The following P4HA1 variants were observed in gnomAD, a reference collection of about 807,000 sequenced individuals.
P4HA1 encodes prolyl 4-hydroxylase subunit alpha 1, also known as prolyl 4-hydroxylase subunit alpha-1.
In P4HA1, 24 loss-of-function variants were observed where a neutral mutation model predicts 72.8. That is an observed-to-expected ratio of 0.33 (90% CI 0.24 to 0.46). P4HA1 has a LOEUF of 0.46. Ranked by LOEUF, P4HA1 falls within the 20% of genes least tolerant of loss-of-function variation. The pLI is 1.00. For missense variants in P4HA1, 446 were observed against 640.6 expected (o/e 0.70, Z 3.28); for synonymous variants, 201 against 218.8 (o/e 0.92, Z 0.72).
intron 9 of P4HA1, among the ~76,000 whole-genome samples, chr10:73,038,620 TG>T (rs1321531992): frequency 1.4e-5 from 2 of 138,924 alleles, no homozygotes. Flanking sequence ...GGTTTTTATT[TG>T]CTTTTTTTTT....
At chr10:73,049,694 A>C (rs1840967379) in intron 7 of P4HA1, among the ~76,000 whole-genome samples, 1 of 152,216 alleles carries the variant, frequency 6.6e-6, no homozygotes, top group Admixed American at 6.5e-5. Flanking sequence ...TTTTAAAGAA[A>C]TATTAAAGAC....
intron 8 of P4HA1, among the ~76,000 whole-genome samples, chr10:73,045,516 T>C (rs191709718): frequency 4.6e-5 from 7 of 152,150 alleles, no homozygotes; most frequent in Non-Finnish European, 1.0e-4. Context: ...TTAAAATTCA[T>C]TTTAAGGTCA....
intron 1 of P4HA1, among the ~76,000 whole-genome samples, chr10:73,077,771 A>G (rs1009693325): frequency 1.4e-4 from 22 of 151,930 alleles, no homozygotes; most frequent in African/African-American, 5.3e-4. Context: ...ACTTGAGCTC[A>G]GGAGTTTGAG....
intron 1 of P4HA1, among the ~76,000 whole-genome samples, chr10:73,077,936 C>T (rs1841737501): frequency 6.6e-6 from 1 of 150,594 alleles, no homozygotes; most frequent in African/African-American, 2.4e-5. Context: ...CTACAGTGAG[C>T]CATGATCTTG....
At position 73,010,973 on chromosome 10, in the gene P4HA1, T is replaced by C. The variant is rs1375068860; in HGVS notation, c.1433A>G (p.Lys478Arg). 4 of 1,613,124 alleles carry C rather than the reference T, an allele frequency of 2.5e-6. No homozygotes were observed. The highest frequency in any genetic ancestry group is 2.2e-5 in the South Asian group (2 of 90,998). The change falls in exon 13 of 15, where the codon AAA becomes AGA. Residue 478 changes from lysine to arginine, a missense_variant. Coordinates refer to ENST00000394890, the MANE Select transcript of P4HA1 (RefSeq NM_001017962.3). ...AAACAAAACAAACAGGCTTACTTTT[T>C]TGGGCCAAACACTAGCTCCAACTTC... ...FPEVGASVWPKKGTAVFWYNL... is the reference protein window; with the variant it reads ...FPEVGASVWPRKGTAVFWYNL...
chr10:73,092,127 T>A (rs140528852), intron 1 of P4HA1, among the ~76,000 whole-genome samples: 307 of 152,272 alleles, frequency 2.0e-3, no homozygotes, highest in African/African-American at 7.1e-3. Context: ...TAAGACCATG[T>A]ATACTAGAAC....
At chr10:73,029,726 T>TAC (rs1840390692) in intron 10 of P4HA1, among the ~76,000 whole-genome samples, 1 of 152,016 alleles carries the variant, frequency 6.6e-6, no homozygotes, top group African/African-American at 2.4e-5. Context: ...TTCCTATATA[T>TAC]ACCTGTTTAC....
intron 10 of P4HA1, among the ~76,000 whole-genome samples, chr10:73,025,948 C>G (rs28853423): frequency 0.029 from 4,476 of 152,024 alleles, 210 homozygotes; most frequent in African/African-American, 0.096. Flanking sequence ...CACTGCTCAA[C>G]GAAATAAAAG....
chr10:73,061,674 G>A (rs577200897), intron 5 of P4HA1, among the ~76,000 whole-genome samples: 1 of 152,124 alleles, frequency 6.6e-6, no homozygotes, highest in East Asian at 1.9e-4. Context: ...GCTAAGGCAG[G>A]AGGAACACTT....
At chr10:73,038,159 G>A (rs1055361806) in intron 9 of P4HA1, among the ~76,000 whole-genome samples, 28 of 152,218 alleles carry the variant, frequency 1.8e-4, no homozygotes, top group African/African-American at 6.5e-4. Flanking sequence ...GGAGGCTGAG[G>A]TGGGAGGATT....
At chr10:73,093,648 C>A (rs1842083046) in intron 1 of P4HA1, among the ~76,000 whole-genome samples, 1 of 151,026 alleles carries the variant, frequency 6.6e-6, no homozygotes, top group Non-Finnish European at 1.5e-5. Flanking sequence ...TCGAGACCAT[C>A]CTGGTTAACA....
intron 1 of P4HA1, among the ~76,000 whole-genome samples, chr10:73,089,710 TA>T (rs10700344): frequency 0.025 from 2,409 of 95,854 alleles, 23 homozygotes; most frequent in Non-Finnish European, 0.038. Context: ...TTCCCCGTGC[TA>T]AAAAAAAAAA....
intron 5 of P4HA1, among the ~76,000 whole-genome samples, chr10:73,056,024 T>C (rs990537248): frequency 6.6e-6 from 1 of 152,234 alleles, no homozygotes; most frequent in African/African-American, 2.4e-5. Flanking sequence ...GAAGCAGCAA[T>C]GTAAACTGGT....
At chr10:73,022,505 G>A (rs778137485) in intron 10 of P4HA1, among the ~76,000 whole-genome samples, 15 of 152,146 alleles carry the variant, frequency 9.9e-5, no homozygotes, top group East Asian at 1.9e-4. Flanking sequence ...CAACATCGAA[G>A]GCCAAAGGTA....
chr10:73,010,660 A>G (rs1426298753), intron 13 of P4HA1, among the ~76,000 whole-genome samples: 2 of 152,128 alleles, frequency 1.3e-5, no homozygotes, highest in South Asian at 4.2e-4. Flanking sequence ...CTTGAGCCCA[A>G]GAGTTCAAGA....
chr10:73,051,688 G>C (rs1841023215), intron 6 of P4HA1, among the ~76,000 whole-genome samples: 1 of 152,154 alleles, frequency 6.6e-6, no homozygotes, highest in Non-Finnish European at 1.5e-5. Flanking sequence ...GAACCCGGGA[G>C]GCGGGGGTTG....
At chr10:73,091,171 AAAAT>A (rs141974264) in intron 1 of P4HA1, among the ~76,000 whole-genome samples, 7,902 of 151,076 alleles carry the variant, frequency 0.052, 632 homozygotes, top group African/African-American at 0.17. Context: ...GTTTACCAAA[AAAAT>A]AAATAAATAA....
In P4HA1 at chr10:73,068,758, C is replaced by A. The variant is rs1589616955; in HGVS notation, c.463+88G>T. 8.5e-6 allele frequency: 9 copies of A among 1,061,836 alleles called. No individual in the cohort carries two copies. In the East Asian group the frequency reaches 1.9e-4, roughly 23 times the overall value. The allele number at this position is 1,061,836 out of a possible 1,614,324, so 65.8% of individuals were successfully genotyped here. A position where few individuals can be genotyped will look rare whatever the true frequency, so the allele number is the denominator to read the frequency against. ...AACTACAATTTAAAATCTTAAAATG[C>A]AAGTCTTTTTTATACTAACATTGTG... On this transcript the variant is annotated intron_variant, in intron 5 of 14. Transcript: ENST00000394890.
At chr10:73,073,081 A>G (rs1012981329) in intron 3 of P4HA1, among the ~76,000 whole-genome samples, 1 of 151,024 alleles carries the variant, frequency 6.6e-6, no homozygotes, top group African/African-American at 2.4e-5. Flanking sequence ...GAGGCAAGAG[A>G]ATCACTTGAA....
Sources: allele counts gnomAD v4.1 joint callset (sites outside exome capture counted in the v4.1 genomes callset), GRCh38; gene constraint gnomAD v4.1.1; transcripts MANE v1.5; gene names NCBI Gene and HGNC (gene_info 2026-07-23, HGNC 2026-07-21).